IGSF10: variants seen among roughly 807,000 people sequenced by gnomAD.
The protein encoded by IGSF10 is immunoglobulin superfamily member 10, also known as calvaria mechanical force protein 608.
In IGSF10, 126 loss-of-function variants were observed where a neutral mutation model predicts 128.2. The observed-to-expected ratio is 0.98, with a 90% CI of 0.85 to 1.14. IGSF10 has a LOEUF of 1.14. Among genes scored for constraint, IGSF10 ranks in the 50% most tolerant of loss-of-function variants. IGSF10 has a pLI of 0.00. For missense variants in IGSF10, 3,295 were observed against 3,149.8 expected, an observed-to-expected ratio of 1.05 and a Z score of -1.10; for synonymous variants, 1,185 against 1,146.2, an observed-to-expected ratio of 1.03 and a Z score of -0.68.
In IGSF10 at chr3:151,437,819, T is replaced by TATACA; in HGVS notation, c.6741_6742insTGTAT (p.Lys2248CysfsTer7). ...TTGGAATGTCTCACAGCTGTGGCTTTAATAACAGTTCTGTTTGTATACAGA... is the reference window on the plus strand; with the variant it reads ...TTGGAATGTCTCACAGCTGTGGCTTTATACAAATAACAGTTCTGTTTGTATACAGA... On this transcript the variant is annotated frameshift_variant, in exon 8 of 8. Coordinates refer to ENST00000282466, the MANE Select transcript of IGSF10 (RefSeq NM_178822.5). LOFTEE classifies it low-confidence loss of function (END_TRUNC). 6.2e-7 allele frequency: 1 copy of TATACA among 1,613,980 alleles called. No individual in the cohort carries two copies. The highest frequency in any genetic ancestry group is 8.5e-7 in the Non-Finnish European group (1 of 1,180,012).
At chr3:151,516,424 G>T in the IGSF10 span, among the ~76,000 whole-genome samples, 1 of 152,128 alleles carries the variant, frequency 6.6e-6, no homozygotes, top group East Asian at 1.9e-4. Context: ...GTGCACTTGT[G>T]GGGTATACTT....
chr3:151,604,590 A>G, the IGSF10 span, among the ~76,000 whole-genome samples: 1 of 114,222 alleles, frequency 8.8e-6, no homozygotes, highest in Non-Finnish European at 1.8e-5. Flanking sequence ...TTGTACCAAT[A>G]TAACACACAC....
the IGSF10 span, among the ~76,000 whole-genome samples, chr3:151,490,032 A>G: frequency 2.0e-5 from 3 of 152,122 alleles, no homozygotes; most frequent in Non-Finnish European, 4.4e-5. Context: ...AATGGCAGTA[A>G]TAAGTCTTTA....
chr3:151,443,911 C>T, intron 6 of IGSF10, 27 bp from the exon 7 acceptor site: 6 of 1,516,736 alleles, frequency 4.0e-6, no homozygotes, highest in Non-Finnish European at 5.3e-6. Context: ...AAAATTATTG[C>T]TACGGGTCAT....
At chr3:151,607,664 C>A in the IGSF10 span, among the ~76,000 whole-genome samples, 1 of 152,012 alleles carries the variant, frequency 6.6e-6, no homozygotes, top group Non-Finnish European at 1.5e-5. Flanking sequence ...GTAATCCCAG[C>A]ACTTTGGGAG....
At chr3:151,501,353 T>A in the IGSF10 span, among the ~76,000 whole-genome samples, 13 of 151,908 alleles carry the variant, frequency 8.6e-5, no homozygotes, top group African/African-American at 1.7e-4. Context: ...CCTCTCTGAA[T>A]CTTTTTTATA....
chr3:151,475,201 G>A, the IGSF10 span, among the ~76,000 whole-genome samples: 1 of 152,304 alleles, frequency 6.6e-6, no homozygotes, highest in East Asian at 1.9e-4. Flanking sequence ...GAAAAAAGAT[G>A]TGACTTGTGA....
downstream of IGSF10, chr3:151,432,922 T>C: frequency 1.4e-6 from 1 of 719,174 alleles, no homozygotes; most frequent in Non-Finnish European, 2.2e-6. Flanking sequence ...CATTTTACTA[T>C]ATTTTATGCT....
chr3:151,530,495 C>A, the IGSF10 span, among the ~76,000 whole-genome samples: 1 of 152,070 alleles, frequency 6.6e-6, no homozygotes, highest in Non-Finnish European at 1.5e-5. Flanking sequence ...AGGGAAGCGA[C>A]TAACAGTGAA....
At chr3:151,594,831 C>A in the IGSF10 span, among the ~76,000 whole-genome samples, 1 of 151,466 alleles carries the variant, frequency 6.6e-6, no homozygotes, top group Non-Finnish European at 1.5e-5. Context: ...TCCTAAATAC[C>A]CTGATTTGAT....
At chr3:151,449,307 T>C (rs1274387450) in intron 5 of IGSF10, 42 bp from the exon 6 acceptor site, 20 of 1,478,458 alleles carry the variant, frequency 1.4e-5, no homozygotes, top group Non-Finnish European at 1.6e-5. Context: ...GTGACCTCTT[T>C]ATGAATTGAC....
the IGSF10 span, among the ~76,000 whole-genome samples, chr3:151,571,035 A>T: frequency 6.6e-6 from 1 of 152,212 alleles, no homozygotes; most frequent in African/African-American, 2.4e-5. Context: ...GTCAATGATC[A>T]GATGGTTGTA....
chr3:151,494,836 G>A, the IGSF10 span, among the ~76,000 whole-genome samples: 150 of 152,204 alleles, frequency 9.9e-4, no homozygotes, highest in African/African-American at 3.5e-3. Context: ...GCAAGGGTTT[G>A]TCTGACAATT....
chr3:151,439,586 T>C (rs1218250763), intron 7 of IGSF10, among the ~76,000 whole-genome samples: 1 of 152,198 alleles, frequency 6.6e-6, no homozygotes, highest in African/African-American at 2.4e-5. Flanking sequence ...TACACTCTAG[T>C]CTGGGTGACA....
the IGSF10 span, among the ~76,000 whole-genome samples, chr3:151,608,921 G>A: frequency 6.6e-6 from 1 of 152,208 alleles, no homozygotes; most frequent in Non-Finnish European, 1.5e-5. Flanking sequence ...ACAACCACCT[G>A]TAGAGGGTTT....
the IGSF10 span, among the ~76,000 whole-genome samples, chr3:151,603,828 C>T: frequency 6.6e-6 from 1 of 152,174 alleles, no homozygotes; most frequent in Non-Finnish European, 1.5e-5. Context: ...AGCCTGATGG[C>T]AGGAAAGAAG....
In IGSF10 at chr3:151,447,369, G is replaced by A. The variant is rs754686376; in HGVS notation, c.2612C>T (p.Ser871Leu). The change falls in exon 6 of 8, where the codon TCA becomes TTA. Residue 871 changes from serine to leucine, a missense_variant. Physicochemically the swap from Ser to Leu is moderately radical, Grantham distance 145. Coordinates refer to ENST00000282466, the MANE Select transcript of IGSF10 (RefSeq NM_178822.5). ...LSTAIKTTAM[S>L]KNINPTMSSQ... is the part of the protein sequence containing the mutation. ...TGACATGGTTGGGTTTATATTCTTT[G>A]ACATGGCTGTAGTTTTAATAGCAGT... 1 of 1,614,034 alleles carries A rather than the reference G, an allele frequency of 6.2e-7. No individual in the cohort carries two copies. The highest frequency in any genetic ancestry group is 1.3e-5 in the African/African-American group (1 of 74,924).
the IGSF10 span, among the ~76,000 whole-genome samples, chr3:151,552,813 T>A: frequency 6.6e-6 from 1 of 152,144 alleles, no homozygotes; most frequent in East Asian, 1.9e-4. Context: ...CTAAAAGAAA[T>A]GACTGCAGTG....
the IGSF10 span, among the ~76,000 whole-genome samples, chr3:151,573,294 T>C: frequency 6.6e-6 from 1 of 152,224 alleles, no homozygotes; most frequent in African/African-American, 2.4e-5. Flanking sequence ...GTTAACCTTC[T>C]GGCTCGTTGA....
Sources: allele counts gnomAD v4.1 joint callset (sites outside exome capture counted in the v4.1 genomes callset), GRCh38; gene constraint gnomAD v4.1.1; transcripts MANE v1.5; gene names NCBI Gene and HGNC (gene_info 2026-07-23, HGNC 2026-07-21).